The following TNRC18 variants were observed in gnomAD, a reference collection of about 807,000 sequenced individuals.
The protein encoded by TNRC18 is trinucleotide repeat-containing gene 18 protein.
A neutral mutation model predicts 226.7 loss-of-function variants in TNRC18; 69 were observed. The observed-to-expected ratio is 0.30, with a 90% CI of 0.25 to 0.37. The LOEUF (loss-of-function observed/expected upper bound fraction) is 0.37, where lower values mean the gene tolerates loss of function less well. Among genes scored for constraint, TNRC18 ranks in the 10% least tolerant of loss-of-function variants. The pLI, the probability that TNRC18 is intolerant of heterozygous loss-of-function variation, is 1.00. For missense variants in TNRC18, 4,754 were observed against 4,256.6 expected, an observed-to-expected ratio of 1.12 and a Z score of -3.25; for synonymous variants, 2,449 against 1,927.6, an observed-to-expected ratio of 1.27 and a Z score of -7.09.
chr7:5,340,311 C>G (rs1036762940), intron 18 of TNRC18, among the ~76,000 whole-genome samples: 1 of 152,212 alleles, frequency 6.6e-6, no homozygotes, highest in Admixed American at 6.5e-5. Flanking sequence ...CCTCAATATT[C>G]CTTGAAGCCA....
At chr7:5,420,994 G>C (rs573919548) in intron 2 of TNRC18, 66 bp downstream of exon 2, 1 of 1,540,216 alleles carries the variant, frequency 6.5e-7, no homozygotes, top group Non-Finnish European at 8.8e-7. Flanking sequence ...GAGTGCACAG[G>C]AGGACCCGGC....
chr7:5,349,812 G>A (rs992107396), intron 17 of TNRC18, among the ~76,000 whole-genome samples: 4 of 152,216 alleles, frequency 2.6e-5, no homozygotes, highest in Admixed American at 1.3e-4. Flanking sequence ...AGCCAGTTAC[G>A]GAGTTTAGTA....
intron 2 of TNRC18, among the ~76,000 whole-genome samples, chr7:5,412,853 G>A (rs1371753463): frequency 6.6e-6 from 1 of 152,188 alleles, no homozygotes; most frequent in Non-Finnish European, 1.5e-5. Flanking sequence ...GAAGATGTGG[G>A]AAGTCAGGGT....
chr7:5,358,805 C>G lies in TNRC18; in HGVS notation c.4833+593G>C, dbSNP rs567607176. On this transcript the variant is annotated intron_variant, in intron 15 of 29. Transcript: ENST00000430969. ...CTCCAGCCTGGGTGACTGAGTGACT[C>G]TGTCTCAAAAAAACAAACAAACAAA... Among the ~76,000 whole-genome samples the G allele has an allele frequency of 2.6e-5, 4 of 151,362 alleles. 1 individual carries two copies. The highest frequency in any genetic ancestry group is 9.6e-5 in the African/African-American group (4 of 41,472).
At chr7:5,326,404 G>A (rs552865562) in intron 19 of TNRC18, among the ~76,000 whole-genome samples, 7 of 152,168 alleles carry the variant, frequency 4.6e-5, no homozygotes, top group East Asian at 1.9e-4. Context: ...CCACCCCCGC[G>A]ATGAGAAGGG....
Position 5,394,281 on chromosome 7 carries a change from G to A in TNRC18, c.343+159C>T, listed in dbSNP as rs1033108700. ...TACAAATGCCCTGTGACAGTGACAAGAAGAAGCCCTGAGCGTTTGAGAAAC... is the reference window on the plus strand; with the variant it reads ...TACAAATGCCCTGTGACAGTGACAAAAAGAAGCCCTGAGCGTTTGAGAAAC... On this transcript the variant is annotated intron_variant, in intron 3 of 29. Coordinates refer to ENST00000430969, the MANE Select transcript of TNRC18 (RefSeq NM_001080495.3). The surrounding 1 kb of genome is among the most constrained non-coding windows in gnomAD (Gnocchi z 4.5). 1.3e-5 allele frequency among the ~76,000 whole-genome samples: 2 copies of A among 152,100 alleles called. No homozygotes were observed. Among genetic ancestry groups the A allele is most frequent in the Non-Finnish European group, 2.9e-5 (2 of 68,026 alleles).
chr7:5,381,824 G>C (rs1779416905), intron 5 of TNRC18, among the ~76,000 whole-genome samples: 1 of 151,966 alleles, frequency 6.6e-6, no homozygotes, highest in Non-Finnish European at 1.5e-5. Flanking sequence ...AAATTAGCTG[G>C]GCACGGTGGC....
intron 15 of TNRC18, among the ~76,000 whole-genome samples, chr7:5,358,834 A>G (rs746557527): frequency 1.6e-4 from 25 of 152,078 alleles, no homozygotes; most frequent in Non-Finnish European, 2.9e-4. Flanking sequence ...AAACAAAAAA[A>G]AACTACCCCT....
At chr7:5,368,257 A>C (rs1793802831) in intron 11 of TNRC18, among the ~76,000 whole-genome samples, 1 of 151,994 alleles carries the variant, frequency 6.6e-6, no homozygotes, top group African/African-American at 2.4e-5. Context: ...ACTTGAGTTC[A>C]AGAGTTCGCG....
At chr7:5,390,281 T>C in intron 4 of TNRC18, 3 of 578,156 alleles carry the variant, frequency 5.2e-6, no homozygotes, top group Non-Finnish European at 9.0e-6. Flanking sequence ...AGGTGCATCA[T>C]TTGGGAGTTT....
At chr7:5,404,241 C>G (rs1009169460) in intron 2 of TNRC18, among the ~76,000 whole-genome samples, 2 of 152,154 alleles carry the variant, frequency 1.3e-5, no homozygotes, top group African/African-American at 2.4e-5. Context: ...TGTGGTGGCA[C>G]ATGCCTGTAA....
At chr7:5,333,834 C>T (rs1789813515) in intron 18 of TNRC18, among the ~76,000 whole-genome samples, 1 of 150,906 alleles carries the variant, frequency 6.6e-6, no homozygotes, top group African/African-American at 2.5e-5. Context: ...CCTCTATGGC[C>T]GCACCTCTGT....
At chr7:5,349,531 G>C (rs917685110) in intron 17 of TNRC18, among the ~76,000 whole-genome samples, 5 of 152,240 alleles carry the variant, frequency 3.3e-5, no homozygotes. Flanking sequence ...GCTGCTGCCA[G>C]ACCCGGTGGG....
rs190761656 is a variant in TNRC18, at chr7:5,344,183, T to C, written c.5719+1379A>G. ...AGCAAGTGTAAATGTCTGAGAGTACTAGCCTGGCTGGTGCATTTAGGGGCT... is the reference window on the plus strand; with the variant it reads ...AGCAAGTGTAAATGTCTGAGAGTACCAGCCTGGCTGGTGCATTTAGGGGCT... On this transcript the variant is annotated intron_variant, in intron 18 of 29. Coordinates refer to ENST00000430969, the MANE Select transcript of TNRC18 (RefSeq NM_001080495.3). Among the ~76,000 whole-genome samples, 3 of 152,338 alleles carry C rather than the reference T, an allele frequency of 2.0e-5. No individual in the cohort carries two copies. In the East Asian group the frequency reaches 5.8e-4, roughly 29 times the overall value.
intron 5 of TNRC18, among the ~76,000 whole-genome samples, chr7:5,383,544 T>C (rs994796209): frequency 1.3e-5 from 2 of 152,172 alleles, no homozygotes; most frequent in African/African-American, 4.8e-5. Context: ...GGGCAGAGCT[T>C]GGACTTAAAC....
intron 24 of TNRC18, among the ~76,000 whole-genome samples, chr7:5,317,023 C>A (rs111511480): frequency 2.6e-5 from 4 of 152,196 alleles, no homozygotes; most frequent in African/African-American, 9.6e-5. Flanking sequence ...GACAGGCCCC[C>A]CAAAGGGTGA....
chr7:5,377,929 G>A lies in TNRC18; in HGVS notation c.2248C>T (p.Leu750=). ...ATCCCCCGACACCCTCACCTGAGCA[G>A]CTTCTCCTGATCCCGGTCCAGCCGT... The part of the protein sequence containing the change: ...GARLDRDQEK[L]LRESKELADL... The change falls in exon 6 of 30, where the codon CTG becomes TTG. Residue 750 remains leucine (L), a synonymous_variant. Transcript: ENST00000430969. The surrounding 1 kb of genome is among the most constrained non-coding windows in gnomAD (Gnocchi z 5.8). 2 of 1,613,462 alleles carry A rather than the reference G, an allele frequency of 1.2e-6. No homozygotes were observed. The highest frequency in any genetic ancestry group is 1.7e-6 in the Non-Finnish European group (2 of 1,179,744).
rs746532562 is a variant in TNRC18, at chr7:5,359,416, C to A, written c.4815G>T (p.Ser1605=). The change falls in exon 15 of 30, where the codon TCG becomes TCT. Residue 1605 remains serine (S), a synonymous_variant. Transcript: ENST00000430969. ...TACTCACCTGACTGATGAAGTCCGACGAGGCCTCATGTTCATCCCAAGTCT... is the reference window on the plus strand; with the variant it reads ...TACTCACCTGACTGATGAAGTCCGAAGAGGCCTCATGTTCATCCCAAGTCT... ...RNQTWDEHEA[S]SDFISQLKIK... 3.1e-6 allele frequency: 5 copies of A among 1,613,858 alleles called. No homozygotes were observed. The highest frequency in any genetic ancestry group is 3.3e-5 in the Admixed American group (2 of 59,992).
chr7:5,396,476 C>A (rs1480208560), intron 2 of TNRC18, among the ~76,000 whole-genome samples: 1 of 152,140 alleles, frequency 6.6e-6, no homozygotes, highest in Non-Finnish European at 1.5e-5. Flanking sequence ...TGAGCTGTGA[C>A]TGCAATTACA....
Sources: allele counts gnomAD v4.1 joint callset (sites outside exome capture counted in the v4.1 genomes callset), GRCh38; gene constraint gnomAD v4.1.1; non-coding constraint Gnocchi (gnomAD v3.1); transcripts MANE v1.5; gene names NCBI Gene and HGNC (gene_info 2026-07-23, HGNC 2026-07-21).